CSRNP3: variants seen among roughly 807,000 people sequenced by gnomAD.
CSRNP3 encodes the protein cysteine and serine rich nuclear protein 3, also known as cysteine/serine-rich nuclear protein 3.
CSRNP3 carries 12 observed loss-of-function variants against 48.0 expected under a neutral mutation model. That is an observed-to-expected ratio of 0.25 (90% CI 0.16 to 0.41). The LOEUF (loss-of-function observed/expected upper bound fraction) is 0.41, where lower values mean the gene tolerates loss of function less well. CSRNP3 is among the 10% of genes least tolerant of loss of function. The pLI is 1.00. For missense variants in CSRNP3, 580 were observed against 724.4 expected (o/e 0.80, Z 2.29); for synonymous variants, 263 against 269.7 (o/e 0.98, Z 0.24).
chr2:165,570,172 C>T (rs1457560161), intron 3 of CSRNP3, among the ~76,000 whole-genome samples: 2 of 151,944 alleles, frequency 1.3e-5, no homozygotes, highest in African/African-American at 4.8e-5. Context: ...ACTGGAATAA[C>T]TCACCAAGGT....
intron 1 of CSRNP3, among the ~76,000 whole-genome samples, chr2:165,474,970 G>A (rs1484395775): frequency 2.0e-5 from 3 of 152,158 alleles, no homozygotes; most frequent in Non-Finnish European, 4.4e-5. Context: ...TTGCTGTCAT[G>A]TTGTGGATAT....
At position 165,682,579 on chromosome 2, in the gene CSRNP3, G is replaced by A. The variant is rs543793529; in HGVS notation, c.*2826G>A. ...TTATGATCTAAAAAAATGTGGTTTAGAAAAGAGGATAATTGGTAGAGCTGT... is the reference window on the plus strand; with the variant it reads ...TTATGATCTAAAAAAATGTGGTTTAAAAAAGAGGATAATTGGTAGAGCTGT... On this transcript the variant is annotated 3_prime_UTR_variant, in exon 7 of 7. Coordinates refer to ENST00000651982, the MANE Select transcript of CSRNP3 (RefSeq NM_001172173.2). The A allele has an allele frequency of 7.0e-4, 106 of 152,110 alleles. No individual in the cohort carries two copies. Among genetic ancestry groups the A allele is most frequent in the African/African-American group, 2.5e-3 (105 of 41,434 alleles). The allele number at this position is 152,110 out of a possible 1,614,324, so 9.4% of individuals were successfully genotyped here.
intron 4 of CSRNP3, among the ~76,000 whole-genome samples, chr2:165,619,415 G>A (rs991545146): frequency 3.9e-5 from 6 of 152,100 alleles, no homozygotes; most frequent in African/African-American, 1.4e-4. Flanking sequence ...TATTTTATTA[G>A]TGGTGAGGCT....
chr2:165,615,776 C>G (rs1016724273), intron 4 of CSRNP3, among the ~76,000 whole-genome samples: 1 of 151,476 alleles, frequency 6.6e-6, no homozygotes, highest in Non-Finnish European at 1.5e-5. Context: ...TCTCTGTCAC[C>G]CAGGCTAAAG....
intron 1 of CSRNP3, among the ~76,000 whole-genome samples, chr2:165,470,498 GTTTAA>G (rs1053289159): frequency 5.3e-5 from 8 of 152,044 alleles, no homozygotes; most frequent in African/African-American, 1.7e-4. Context: ...TTCATGGGTA[GTTTAA>G]TTTATCAGTC....
chr2:165,544,055 A>C (rs1417638946), intron 3 of CSRNP3, among the ~76,000 whole-genome samples: 1 of 151,912 alleles, frequency 6.6e-6, no homozygotes, highest in Non-Finnish European at 1.5e-5. Context: ...TATATGTAAA[A>C]TATACAGAAT....
intron 4 of CSRNP3, among the ~76,000 whole-genome samples, chr2:165,638,021 T>A (rs929446997): frequency 3.9e-5 from 6 of 152,224 alleles, no homozygotes; most frequent in Non-Finnish European, 7.3e-5. Context: ...AAAATCTTAT[T>A]AATTTTATTG....
intron 5 of CSRNP3, among the ~76,000 whole-genome samples, chr2:165,663,032 T>A (rs1297022771): frequency 6.6e-6 from 1 of 152,174 alleles, no homozygotes; most frequent in Non-Finnish European, 1.5e-5. Flanking sequence ...AAATCTCAGA[T>A]TTATGACTGC....
intron 4 of CSRNP3, among the ~76,000 whole-genome samples, chr2:165,638,277 C>T (rs1386801291): frequency 6.6e-6 from 1 of 152,174 alleles, no homozygotes; most frequent in African/African-American, 2.4e-5. Flanking sequence ...GCCTGACCAA[C>T]ATGGTGAAAC....
chr2:165,552,453 C>A (rs537941957), intron 3 of CSRNP3, among the ~76,000 whole-genome samples: 69 of 152,244 alleles, frequency 4.5e-4, no homozygotes, highest in African/African-American at 1.6e-3. Flanking sequence ...AGGCGATTGT[C>A]AACTGTGGAC....
chr2:165,481,557 C>A (rs1684043207), intron 1 of CSRNP3, among the ~76,000 whole-genome samples: 1 of 152,182 alleles, frequency 6.6e-6, no homozygotes, highest in Non-Finnish European at 1.5e-5. Context: ...TCTGTGCTGC[C>A]TCTATTCATT....
intron 4 of CSRNP3, among the ~76,000 whole-genome samples, chr2:165,654,154 C>T (rs1242468608): frequency 6.6e-6 from 1 of 152,034 alleles, no homozygotes; most frequent in Admixed American, 6.6e-5. Context: ...GTTATCATCA[C>T]AAAACCAGAA....
intron 4 of CSRNP3, among the ~76,000 whole-genome samples, chr2:165,604,971 C>T (rs879335036): frequency 3.9e-5 from 6 of 152,128 alleles, no homozygotes; most frequent in Non-Finnish European, 8.8e-5. Context: ...CCCACAGTCA[C>T]GTCTTATATA....
In CSRNP3 at chr2:165,595,027, C is replaced by G. The variant is rs763601119; in HGVS notation, c.-23-16C>G. On this transcript the variant is annotated splice_polypyrimidine_tract_variant and intron_variant, in intron 3 of 6. Transcript: ENST00000651982. Reference sequence around the variant, plus strand: ...TCAAATATTTCAATGCTCTGTTGCTCTCCTTCCTGTTACAGGTACATGTGA... The same window carrying G: ...TCAAATATTTCAATGCTCTGTTGCTGTCCTTCCTGTTACAGGTACATGTGA... 3.1e-6 allele frequency: 5 copies of G among 1,608,172 alleles called. No homozygotes were observed. The highest frequency in any genetic ancestry group is 2.7e-5 in the African/African-American group (2 of 74,820).
At chr2:165,626,598 T>C (rs1474235345) in intron 4 of CSRNP3, among the ~76,000 whole-genome samples, 3 of 152,252 alleles carry the variant, frequency 2.0e-5, no homozygotes, top group Admixed American at 6.5e-5. Flanking sequence ...GCTTCATTGC[T>C]ATAACATGCA....
chr2:165,599,331 A>AAAG (rs1685870830), intron 4 of CSRNP3, among the ~76,000 whole-genome samples: 37 of 109,792 alleles, frequency 3.4e-4, no homozygotes, highest in African/African-American at 1.2e-3. Flanking sequence ...GAAAGAAAGG[A>AAAG]AAAGAAAAAA....
intron 4 of CSRNP3, among the ~76,000 whole-genome samples, chr2:165,615,916 A>G (rs1485912909): frequency 1.7e-5 from 2 of 117,988 alleles, no homozygotes; most frequent in African/African-American, 6.6e-5. Context: ...TTTTTTTTAC[A>G]GATTGGGTCT....
At chr2:165,583,972 G>T (rs1416379306) in intron 3 of CSRNP3, among the ~76,000 whole-genome samples, 1 of 152,132 alleles carries the variant, frequency 6.6e-6, no homozygotes, top group Non-Finnish European at 1.5e-5. Context: ...ACAGGGTAGG[G>T]CTTCCGAAAG....
intron 4 of CSRNP3, among the ~76,000 whole-genome samples, chr2:165,648,869 T>C (rs1032921648): frequency 1.3e-5 from 2 of 152,200 alleles, no homozygotes; most frequent in Admixed American, 6.5e-5. Flanking sequence ...GCAATAAACC[T>C]TACTTTTTTC....
Sources: allele counts gnomAD v4.1 joint callset (sites outside exome capture counted in the v4.1 genomes callset), GRCh38; gene constraint gnomAD v4.1.1; transcripts MANE v1.5; gene names NCBI Gene and HGNC (gene_info 2026-07-23, HGNC 2026-07-21).